RAD51B: variants seen among roughly 807,000 people sequenced by gnomAD.
RAD51B encodes the protein DNA repair protein RAD51 homolog 2.
Under a neutral mutation model 42.2 loss-of-function variants are expected in RAD51B, and 38 were observed. The observed-to-expected ratio is 0.90, with a 90% CI of 0.70 to 1.18. RAD51B has a LOEUF of 1.18. Ranked by LOEUF, RAD51B falls within the 50% of genes most tolerant of loss-of-function variation. The pLI, the probability that RAD51B is intolerant of heterozygous loss-of-function variation, is 0.00. For missense variants in RAD51B, 373 were observed against 400.7 expected (o/e 0.93, Z 0.59); for synonymous variants, 154 against 145.2 (o/e 1.06, Z -0.43).
At chr14:68,472,493 T>C (rs2086151356) in intron 10 of RAD51B, among the ~76,000 whole-genome samples, 1 of 152,184 alleles carries the variant, frequency 6.6e-6, no homozygotes, top group African/African-American at 2.4e-5. Context: ...AATGAAGGGT[T>C]GATCTAGCAC....
At chr14:68,581,503 C>T (rs1267510799) in intron 10 of RAD51B, among the ~76,000 whole-genome samples, 2 of 152,138 alleles carry the variant, frequency 1.3e-5, no homozygotes. Flanking sequence ...CAAGGAGCAT[C>T]TGTACAACAA....
intron 7 of RAD51B, among the ~76,000 whole-genome samples, chr14:68,120,891 G>A (rs2140630035): frequency 6.6e-6 from 1 of 152,072 alleles, no homozygotes; most frequent in African/African-American, 2.4e-5. Flanking sequence ...GTTGTTTCTG[G>A]CTTACATTTA....
chr14:68,234,214 C>T (rs1195744283), intron 7 of RAD51B, among the ~76,000 whole-genome samples: 1 of 152,142 alleles, frequency 6.6e-6, no homozygotes, highest in Admixed American at 6.5e-5. Flanking sequence ...CTGGATGGGT[C>T]ATGCTGCCTT....
At chr14:67,969,308 C>G (rs1167593083) in intron 7 of RAD51B, among the ~76,000 whole-genome samples, 2 of 152,218 alleles carry the variant, frequency 1.3e-5, no homozygotes, top group African/African-American at 2.4e-5. Flanking sequence ...AAAAATTAGA[C>G]TGTCTTAGAA....
chr14:68,010,541 G>A (rs1005582068), intron 7 of RAD51B, among the ~76,000 whole-genome samples: 3 of 151,660 alleles, frequency 2.0e-5, no homozygotes, highest in Non-Finnish European at 3.0e-5. Flanking sequence ...AGATTTTAGA[G>A]TAATGGATTC....
chr14:68,374,435 C>T (rs1344123268), intron 8 of RAD51B, among the ~76,000 whole-genome samples: 6 of 152,150 alleles, frequency 3.9e-5, no homozygotes, highest in Non-Finnish European at 7.3e-5. Flanking sequence ...GAAACTTTTG[C>T]TCTTCTCAGA....
intron 8 of RAD51B, among the ~76,000 whole-genome samples, chr14:68,325,487 TA>T (rs2139779194): frequency 6.6e-6 from 1 of 152,350 alleles, no homozygotes; most frequent in African/African-American, 2.4e-5. Context: ...CAGTATGATG[TA>T]GAACATCTTG....
intron 7 of RAD51B, among the ~76,000 whole-genome samples, chr14:68,022,289 T>G (rs1445391523): frequency 7.9e-5 from 12 of 152,232 alleles, no homozygotes; most frequent in Admixed American, 7.9e-4. Context: ...CTGTGTAGTA[T>G]TTCATGGTAT....
At chr14:68,034,651 A>G (rs1402549403) in intron 7 of RAD51B, among the ~76,000 whole-genome samples, 2 of 152,156 alleles carry the variant, frequency 1.3e-5, no homozygotes, top group African/African-American at 2.4e-5. Flanking sequence ...ATTCACATCA[A>G]ATAGAGTTAA....
intron 11 of RAD51B, among the ~76,000 whole-genome samples, chr14:68,672,425 G>A (rs944295587): frequency 3.3e-5 from 5 of 152,188 alleles, no homozygotes; most frequent in Non-Finnish European, 5.9e-5. Context: ...TGCCGTCAGA[G>A]AACTCCAATG....
chr14:68,230,546 CA>C (rs1435588191), intron 7 of RAD51B, among the ~76,000 whole-genome samples: 3 of 152,188 alleles, frequency 2.0e-5, no homozygotes, highest in Non-Finnish European at 4.4e-5. Flanking sequence ...TAATAAAGGT[CA>C]GGGGTGGTTA....
At chr14:67,826,282 A>G (rs2040830701) in intron 3 of RAD51B, among the ~76,000 whole-genome samples, 1 of 152,208 alleles carries the variant, frequency 6.6e-6, no homozygotes, top group African/African-American at 2.4e-5. Context: ...TAAAGTACAC[A>G]TAATTGTACT....
At chr14:68,070,443 G>A (rs2076723274) in intron 7 of RAD51B, among the ~76,000 whole-genome samples, 1 of 152,060 alleles carries the variant, frequency 6.6e-6, no homozygotes. Context: ...TCCATCTTGA[G>A]TTGATTTTGG....
intron 7 of RAD51B, among the ~76,000 whole-genome samples, chr14:68,168,514 T>G (rs2078801045): frequency 6.6e-6 from 1 of 152,144 alleles, no homozygotes; most frequent in African/African-American, 2.4e-5. Context: ...ACTCTGGAAT[T>G]TAGATTAAAC....
At chr14:68,375,591 CTGAT>C (rs766754527) in intron 8 of RAD51B, among the ~76,000 whole-genome samples, 18 of 151,964 alleles carry the variant, frequency 1.2e-4, no homozygotes, top group Admixed American at 2.6e-4. Flanking sequence ...CTGTAACTAA[CTGAT>C]TATTTGTGTA....
chr14:68,240,398 A>G (rs373941241), intron 7 of RAD51B, among the ~76,000 whole-genome samples: 178 of 152,340 alleles, frequency 1.2e-3, no homozygotes, highest in Admixed American at 3.0e-3. Context: ...AAAAGAAGAC[A>G]TATTTTTTAC....
At chr14:68,535,688 A>C (rs995732709) in intron 10 of RAD51B, among the ~76,000 whole-genome samples, 3 of 152,180 alleles carry the variant, frequency 2.0e-5, no homozygotes, top group African/African-American at 7.2e-5. Context: ...TGAAGTGGAA[A>C]AGTAAAGGAA....
chr14:68,076,109 G>A (rs1281383828), intron 7 of RAD51B, among the ~76,000 whole-genome samples: 2 of 152,206 alleles, frequency 1.3e-5, no homozygotes, highest in Non-Finnish European at 2.9e-5. Flanking sequence ...ATGGACCTGG[G>A]GTTAGGAAAG....
chr14:68,654,934 A>G (rs916586470), intron 11 of RAD51B, among the ~76,000 whole-genome samples: 1 of 151,940 alleles, frequency 6.6e-6, no homozygotes, highest in Non-Finnish European at 1.5e-5. Flanking sequence ...CCTCCCCTCC[A>G]GCTCCCTCCC....
Sources: allele counts gnomAD v4.1 joint callset (sites outside exome capture counted in the v4.1 genomes callset), GRCh38; gene constraint gnomAD v4.1.1; transcripts MANE v1.5; gene names NCBI Gene and HGNC (gene_info 2026-07-23, HGNC 2026-07-21).